The following SYNE2 variants were observed in gnomAD, a reference collection of about 807,000 sequenced individuals.
The protein encoded by SYNE2 is spectrin repeat containing nuclear envelope protein 2.
Under a neutral mutation model 856.3 loss-of-function variants are expected in SYNE2, and 431 were observed. The observed-to-expected ratio is 0.50, with a 90% CI of 0.47 to 0.55. The LOEUF is 0.55. Ranked by LOEUF, SYNE2 falls within the 20% of genes least tolerant of loss-of-function variation. SYNE2 has a pLI of 0.00. For missense variants in SYNE2, 8,129 were observed against 8,023.2 expected (o/e 1.01, Z -0.50); for synonymous variants, 2,923 against 2,872.3 (o/e 1.02, Z -0.56).
In SYNE2 at chr14:63,948,780, GTGTATATATATA is replaced by G. The variant is rs372849323; in HGVS notation, c.409-1043_409-1032del. 1.6e-3 allele frequency among the ~76,000 whole-genome samples: 132 copies of G among 81,992 alleles called. 10 individuals carry two copies. The highest frequency in any genetic ancestry group is 2.7e-3 in the African/African-American group (55 of 20,080). The allele number at this position is 81,992 out of a possible 152,430, so 53.8% of individuals were successfully genotyped here. On this transcript the variant is annotated intron_variant, in intron 6 of 115. Transcript: ENST00000555002. Reference sequence around the variant, plus strand: ...TATATGTATATATATGTATGTGTGTGTGTATATATATATATATATATATATATATATATATAT... The same window carrying G: ...TATATGTATATATATGTATGTGTGTGTATATATATATATATATATATATAT...
At chr14:64,211,912 C>A (rs1015249801) in intron 103 of SYNE2, 49 bp from the exon 104 acceptor site, 3 of 1,613,472 alleles carry the variant, frequency 1.9e-6, no homozygotes, top group Non-Finnish European at 2.5e-6. Context: ...TCTGTCTGAA[C>A]TCTTGTTCCG....
chr14:63,937,299 C>T (rs769058365), intron 2 of SYNE2, among the ~76,000 whole-genome samples: 2 of 152,198 alleles, frequency 1.3e-5, no homozygotes, highest in East Asian at 1.9e-4. Context: ...TGGGAACTGG[C>T]GTCAAGAGGT....
chr14:64,030,245 T>G (rs2097022273), intron 44 of SYNE2, among the ~76,000 whole-genome samples, 186 bp downstream of exon 44: 2 of 152,218 alleles, frequency 1.3e-5, no homozygotes, highest in Non-Finnish European at 2.9e-5. Flanking sequence ...CATTTATAAT[T>G]GGAATTGACC....
intron 62 of SYNE2, 55 bp from the exon 63 acceptor site, chr14:64,098,692 T>A (rs1357491618): frequency 6.3e-7 from 1 of 1,579,220 alleles, no homozygotes; most frequent in East Asian, 2.2e-5. Context: ...GACTGGGATC[T>A]TGGTGATGTT....
intron 1 of SYNE2, among the ~76,000 whole-genome samples, chr14:63,882,032 G>A (rs8021654): frequency 0.98 from 149,069 of 152,290 alleles, 72,975 homozygotes; most frequent in East Asian, 1. Flanking sequence ...TTTATTGGTC[G>A]TGCTTTGTGT....
chr14:64,065,667 C>T lies in SYNE2; in HGVS notation c.10431+17C>T. On this transcript the variant is annotated intron_variant, in intron 51 of 115. Transcript: ENST00000555002. ...AGTGAAGAAGTGAGTGCTTCATTTTCAACAAACCATGTAGTTTCTAACATG... is the reference window on the plus strand; with the variant it reads ...AGTGAAGAAGTGAGTGCTTCATTTTTAACAAACCATGTAGTTTCTAACATG... The T allele has an allele frequency of 6.2e-7, 1 of 1,613,246 alleles. No homozygotes were observed. Among genetic ancestry groups the T allele is most frequent in the Non-Finnish European group, 8.5e-7 (1 of 1,179,420 alleles).
intron 21 of SYNE2, among the ~76,000 whole-genome samples, chr14:63,991,990 C>T (rs1312773168): frequency 2.0e-5 from 3 of 152,110 alleles, no homozygotes; most frequent in Non-Finnish European, 1.5e-5. Flanking sequence ...TTGCTAACCA[C>T]GCTGGGGCCC....
At chr14:64,205,819 T>C (rs1454028431) in intron 100 of SYNE2, among the ~76,000 whole-genome samples, 1 of 152,192 alleles carries the variant, frequency 6.6e-6, no homozygotes, top group Non-Finnish European at 1.5e-5. Context: ...TGTTCATTGG[T>C]TGGTTGCTTG....
chr14:64,190,108 A>G lies in SYNE2; in HGVS notation c.17909A>G (p.Lys5970Arg). ...MEEINLFSEN[K>R]LQLKQMGDQL... ...GAAATAAACTTGTTTAGTGAAAACAAGTTACAGTTAAAGCAGATGGGTGAC... is the reference window on the plus strand; with the variant it reads ...GAAATAAACTTGTTTAGTGAAAACAGGTTACAGTTAAAGCAGATGGGTGAC... The change falls in exon 99 of 116, where the codon AAG (lysine) becomes AGG (arginine). Residue 5970 changes from lysine (K) to arginine (R), a missense_variant. Lys to Arg is a conservative substitution (Grantham distance 26, BLOSUM62 2). This residue lies in a region of SYNE2 where 5,410 missense variants were observed against 5,284.8 expected (regional missense o/e 1.02). Transcript: ENST00000555002. 6.2e-7 allele frequency: 1 copy of G among 1,614,116 alleles called. No individual in the cohort carries two copies. Among genetic ancestry groups the G allele is most frequent in the South Asian group, 1.1e-5 (1 of 91,078 alleles).
intron 108 of SYNE2, among the ~76,000 whole-genome samples, chr14:64,217,299 C>A (rs1295112356): frequency 1.3e-5 from 2 of 152,284 alleles, no homozygotes; most frequent in African/African-American, 4.8e-5. Context: ...GATTATTATT[C>A]CTGTATTGGT....
chr14:63,883,168 C>G (rs1409298786), intron 1 of SYNE2, among the ~76,000 whole-genome samples: 1 of 152,020 alleles, frequency 6.6e-6, no homozygotes, highest in African/African-American at 2.4e-5. Flanking sequence ...AAGTGATTCT[C>G]CTACCTCAGC....
chr14:63,911,221 C>CT (rs1349491720), intron 2 of SYNE2, among the ~76,000 whole-genome samples: 1 of 152,152 alleles, frequency 6.6e-6, no homozygotes, highest in Non-Finnish European at 1.5e-5. Flanking sequence ...CCGGCCCCTC[C>CT]TCCAGCAGCA....
At chr14:63,994,762 A>T (rs1242858767) in intron 22 of SYNE2, among the ~76,000 whole-genome samples, 2 of 152,078 alleles carry the variant, frequency 1.3e-5, no homozygotes, top group African/African-American at 4.8e-5. Flanking sequence ...GGGCTCAGTT[A>T]TCTGTTTTGC....
At chr14:64,171,305 T>G (rs1193779440) in intron 94 of SYNE2, among the ~76,000 whole-genome samples, 1 of 152,222 alleles carries the variant, frequency 6.6e-6, no homozygotes, top group Non-Finnish European at 1.5e-5. Flanking sequence ...GCATATTAAT[T>G]GAGTACCTTC....
chr14:63,991,272 C>T (rs1357868301), intron 21 of SYNE2, among the ~76,000 whole-genome samples, 157 bp downstream of exon 21: 5 of 152,142 alleles, frequency 3.3e-5, no homozygotes, highest in South Asian at 2.1e-4. Flanking sequence ...GGTTATTAAA[C>T]GTAAGTATTC....
intron 11 of SYNE2, among the ~76,000 whole-genome samples, chr14:63,974,796 G>GTATATGTGTGTA (rs2153462872): frequency 7.6e-6 from 1 of 130,944 alleles, no homozygotes; most frequent in African/African-American, 2.9e-5. Flanking sequence ...ATATATATGT[G>GTATATGTGTGTA]TATATATGTG....
intron 32 of SYNE2, among the ~76,000 whole-genome samples, chr14:64,014,261 A>G (rs532145840): frequency 1.3e-5 from 2 of 152,306 alleles, no homozygotes; most frequent in South Asian, 2.1e-4. Context: ...CAGTTTAACT[A>G]TTCACCCACT....
At chr14:63,833,653 C>T (rs750762200) in intron 1 of SYNE2, among the ~76,000 whole-genome samples, 1 of 152,154 alleles carries the variant, frequency 6.6e-6, no homozygotes, top group Non-Finnish European at 1.5e-5. Flanking sequence ...AATTCTGTTT[C>T]CAAATCTAAT....
intron 95 of SYNE2, 35 bp downstream of exon 95, chr14:64,175,173 T>C (rs369278419): frequency 5.8e-5 from 94 of 1,607,572 alleles, no homozygotes; most frequent in Non-Finnish European, 7.9e-5. Flanking sequence ...TTCATGATAT[T>C]CAAATTCAGT....
Sources: gnomAD v4.1 joint callset for allele counts (sites outside exome capture counted in the v4.1 genomes callset) on GRCh38, gnomAD v4.1.1 for gene constraint, gnomAD v4.1.1 regional missense constraint, MANE v1.5 for transcripts, NCBI Gene and HGNC (gene_info 2026-07-23, HGNC 2026-07-21) for gene names.